The following LINGO2 variants were observed in gnomAD, a reference collection of about 807,000 sequenced individuals.
The protein encoded by LINGO2 is leucine rich repeat and Ig domain containing 2.
In LINGO2, 14 loss-of-function variants were observed where a neutral mutation model predicts 30.6. The ratio of observed to expected loss-of-function variants is 0.46; its 90% CI spans 0.30 to 0.72. LINGO2 has a LOEUF of 0.72. Ranked by LOEUF, LINGO2 falls within the 30% of genes least tolerant of loss-of-function variation. The pLI is 0.07. For missense variants in LINGO2, 729 were observed against 751.7 expected (o/e 0.97, Z 0.35); for synonymous variants, 317 against 288.5 (o/e 1.10, Z -1.00).
At chr9:28,092,079 C>T (rs1177822191) in intron 4 of LINGO2, among the ~76,000 whole-genome samples, 1 of 152,096 alleles carries the variant, frequency 6.6e-6, no homozygotes, top group Non-Finnish European at 1.5e-5. Flanking sequence ...GAAACAGGAA[C>T]ACTTTTACAC....
At chr9:28,888,595 G>C in the LINGO2 span, among the ~76,000 whole-genome samples, 1 of 152,012 alleles carries the variant, frequency 6.6e-6, no homozygotes, top group Non-Finnish European at 1.5e-5. Flanking sequence ...TCATTTCATT[G>C]AATAATTTAT....
At chr9:29,073,168 G>C in the LINGO2 span, among the ~76,000 whole-genome samples, 2 of 151,780 alleles carry the variant, frequency 1.3e-5, no homozygotes, top group Admixed American at 1.3e-4. Flanking sequence ...AAAAATATAT[G>C]TATATATACA....
At chr9:29,025,012 C>T in the LINGO2 span, among the ~76,000 whole-genome samples, 7 of 151,848 alleles carry the variant, frequency 4.6e-5, no homozygotes, top group African/African-American at 1.7e-4. Flanking sequence ...CAGAACAGTC[C>T]CTGTATTAAA....
chr9:29,209,176 G>A, the LINGO2 span, among the ~76,000 whole-genome samples: 1 of 151,906 alleles, frequency 6.6e-6, no homozygotes, highest in African/African-American at 2.4e-5. Context: ...AAGCACAAAC[G>A]CACCATGTTC....
chr9:29,036,596 G>A, the LINGO2 span, among the ~76,000 whole-genome samples: 1 of 152,002 alleles, frequency 6.6e-6, no homozygotes, highest in African/African-American at 2.4e-5. Context: ...ATTCAACATG[G>A]AAGAGTGTAC....
At chr9:28,733,865 C>T in the LINGO2 span, among the ~76,000 whole-genome samples, 5 of 152,054 alleles carry the variant, frequency 3.3e-5, no homozygotes. Context: ...AATGCAACAA[C>T]CTTTACGGAG....
the LINGO2 span, among the ~76,000 whole-genome samples, chr9:28,791,024 CATT>C: frequency 6.6e-6 from 1 of 151,844 alleles, no homozygotes; most frequent in East Asian, 1.9e-4. Flanking sequence ...TTTTTTAAAA[CATT>C]ATTTGAGAAA....
At chr9:28,059,867 G>A (rs1825088184) in intron 4 of LINGO2, among the ~76,000 whole-genome samples, 1 of 151,790 alleles carries the variant, frequency 6.6e-6, no homozygotes, top group African/African-American at 2.4e-5. Context: ...GATTGCAGGA[G>A]GCCTAAGTAC....
chr9:28,001,650 C>G (rs1821960779), intron 5 of LINGO2, among the ~76,000 whole-genome samples: 1 of 151,646 alleles, frequency 6.6e-6, no homozygotes, highest in Non-Finnish European at 1.5e-5. Context: ...AAGATAGGAC[C>G]ATTCGGAAAA....
At chr9:29,204,929 A>C in the LINGO2 span, among the ~76,000 whole-genome samples, 1 of 152,242 alleles carries the variant, frequency 6.6e-6, no homozygotes. Flanking sequence ...TATTAGCTCT[A>C]GGTTTACTGC....
the LINGO2 span, among the ~76,000 whole-genome samples, chr9:29,035,310 T>C: frequency 1.3e-5 from 2 of 152,048 alleles, no homozygotes; most frequent in African/African-American, 4.8e-5. Context: ...ATAGAAGTAG[T>C]GGAACAGGTA....
At chr9:28,633,595 A>C (rs994780241) in intron 1 of LINGO2, among the ~76,000 whole-genome samples, 1 of 152,166 alleles carries the variant, frequency 6.6e-6, no homozygotes, top group Non-Finnish European at 1.5e-5. Context: ...GCAAACAAAC[A>C]AACAAAAACC....
At chr9:28,220,736 T>C (rs760830892) in intron 4 of LINGO2, among the ~76,000 whole-genome samples, 10 of 152,110 alleles carry the variant, frequency 6.6e-5, no homozygotes, top group Non-Finnish European at 1.2e-4. Flanking sequence ...TCACCAGATA[T>C]ATCAGAAATG....
chr9:29,036,170 T>C, the LINGO2 span, among the ~76,000 whole-genome samples: 1 of 151,996 alleles, frequency 6.6e-6, no homozygotes, highest in African/African-American at 2.4e-5. Flanking sequence ...ACACTACGAG[T>C]TCAAAAGCAG....
At chr9:29,163,236 A>G in the LINGO2 span, among the ~76,000 whole-genome samples, 9 of 152,302 alleles carry the variant, frequency 5.9e-5, no homozygotes, top group East Asian at 1.5e-3. Flanking sequence ...ACTGAAATCA[A>G]TACTGACATC....
the LINGO2 span, among the ~76,000 whole-genome samples, chr9:28,722,402 T>A: frequency 6.6e-6 from 1 of 152,122 alleles, no homozygotes; most frequent in South Asian, 2.1e-4. Flanking sequence ...TATGGAAAAG[T>A]TCATTTTATA....
the LINGO2 span, among the ~76,000 whole-genome samples, chr9:29,116,519 G>T: frequency 0.16 from 24,221 of 151,782 alleles, 2,052 homozygotes; most frequent in East Asian, 0.34. Flanking sequence ...TTCATTCACT[G>T]CAAGGGCTGA....
At chr9:28,150,696 T>C (rs1827974161) in intron 4 of LINGO2, among the ~76,000 whole-genome samples, 1 of 152,236 alleles carries the variant, frequency 6.6e-6, no homozygotes, top group Non-Finnish European at 1.5e-5. Context: ...GATCAGATCA[T>C]TCTTGTAATT....
At chr9:29,111,937 A>ACAT in the LINGO2 span, among the ~76,000 whole-genome samples, 16 of 149,112 alleles carry the variant, frequency 1.1e-4, no homozygotes, top group South Asian at 2.1e-4. Context: ...GTGTATATAT[A>ACAT]ATGTATTTAA....
Sources: allele counts gnomAD v4.1 joint callset (sites outside exome capture counted in the v4.1 genomes callset), GRCh38; gene constraint gnomAD v4.1.1; transcripts MANE v1.5; gene names NCBI Gene and HGNC (gene_info 2026-07-23, HGNC 2026-07-21).